Variants in USP43 observed in about 807,000 individuals in gnomAD.
USP43 encodes the protein ubiquitin specific peptidase 43, also known as ubiquitin carboxyl-terminal hydrolase 43.
Under a neutral mutation model 90.7 loss-of-function variants are expected in USP43, and 33 were observed. That is an observed-to-expected ratio of 0.36 (90% CI 0.28 to 0.49). The LOEUF (loss-of-function observed/expected upper bound fraction) is 0.49, where lower values mean the gene tolerates loss of function less well. USP43 is among the 20% of genes least tolerant of loss of function. USP43 has a pLI of 0.98. For missense variants in USP43, 1,274 were observed against 1,476.4 expected (o/e 0.86, Z 2.25); for synonymous variants, 598 against 615.8 (o/e 0.97, Z 0.43).
chr17:9,703,166 T>G (rs1915674643), intron 12 of USP43, among the ~76,000 whole-genome samples: 1 of 151,990 alleles, frequency 6.6e-6, no homozygotes, highest in African/African-American at 2.4e-5. Context: ...GGAGGCATCT[T>G]TGTTACTCAG....
In USP43 at chr17:9,728,040, G is replaced by A. The variant is rs2152005439; in HGVS notation, c.2422G>A (p.Gly808Arg). Residue 808 changes from glycine (G) to arginine (R), a missense_variant, in exon 15 of 15, where the codon GGA (glycine) becomes AGA (arginine). Physicochemically the swap from Gly to Arg is moderately radical, Grantham distance 125 (BLOSUM62 -2). Coordinates refer to ENST00000285199, the MANE Select transcript of USP43 (RefSeq NM_153210.5). The surrounding 1 kb of genome is among the most constrained non-coding windows in gnomAD (Gnocchi z 6.2). ...KAPTTSRAKQ[G>R]PFKTMPLRWS... Reference sequence around the variant, plus strand: ...ACCCACCACTTCCCGAGCCAAGCAGGGACCATTCAAGACCATGCCTCTGCG... The same window carrying A: ...ACCCACCACTTCCCGAGCCAAGCAGAGACCATTCAAGACCATGCCTCTGCG... 1 of 1,613,886 alleles carries A rather than the reference G, an allele frequency of 6.2e-7. No individual in the cohort carries two copies. Among genetic ancestry groups the A allele is most frequent in the South Asian group, 1.1e-5 (1 of 91,078 alleles).
chr17:9,722,624 C>G (rs928482620), intron 14 of USP43, among the ~76,000 whole-genome samples: 7 of 152,146 alleles, frequency 4.6e-5, no homozygotes, highest in Admixed American at 1.3e-4. Flanking sequence ...CTTTCTCTAT[C>G]CCAGTATTTA....
At chr17:9,648,173 A>G (rs1911588896) in intron 1 of USP43, among the ~76,000 whole-genome samples, 1 of 152,248 alleles carries the variant, frequency 6.6e-6, no homozygotes, top group Admixed American at 6.5e-5. Flanking sequence ...TCAAGTTTGT[A>G]ATATGTTAAT....
At chr17:9,660,244 G>A (rs148966396) in intron 2 of USP43, among the ~76,000 whole-genome samples, 69 of 152,198 alleles carry the variant, frequency 4.5e-4, no homozygotes, top group African/African-American at 1.5e-3. Context: ...TCCACCTCCC[G>A]GGTTCAAGAG....
intron 14 of USP43, among the ~76,000 whole-genome samples, chr17:9,724,564 C>T (rs113179816): frequency 6.6e-6 from 1 of 152,258 alleles, no homozygotes; most frequent in African/African-American, 2.4e-5. Context: ...CCTGTAATCC[C>T]AGCTACTGGG....
At chr17:9,661,616 C>T (rs867590068) in intron 2 of USP43, among the ~76,000 whole-genome samples, 6 of 152,130 alleles carry the variant, frequency 3.9e-5, no homozygotes, top group African/African-American at 1.4e-4. Context: ...CCTTGGCCTC[C>T]CAAAGTGCTG....
At chr17:9,698,056 G>A (rs1194191782) in intron 9 of USP43, among the ~76,000 whole-genome samples, 2 of 152,264 alleles carry the variant, frequency 1.3e-5, no homozygotes, top group East Asian at 3.9e-4. Context: ...GTATTTCACT[G>A]TGGCTTTAAT....
chr17:9,660,504 C>T (rs1268518663), intron 2 of USP43, among the ~76,000 whole-genome samples: 2 of 152,080 alleles, frequency 1.3e-5, no homozygotes, highest in Non-Finnish European at 2.9e-5. Context: ...AATTGGTTTT[C>T]CAATTTTGAA....
At chr17:9,711,674 G>A (rs1465123799) in intron 13 of USP43, among the ~76,000 whole-genome samples, 2 of 152,080 alleles carry the variant, frequency 1.3e-5, no homozygotes, top group African/African-American at 4.8e-5. Context: ...CAGGTGATCT[G>A]CTCGCCTCGG....
At chr17:9,725,786 C>T (rs1452781522) in intron 14 of USP43, among the ~76,000 whole-genome samples, 1 of 152,166 alleles carries the variant, frequency 6.6e-6, no homozygotes, top group Non-Finnish European at 1.5e-5. Flanking sequence ...CCTCTCGCCA[C>T]CTGCCGGGGC....
chr17:9,664,826 G>A (rs914129217), intron 2 of USP43, among the ~76,000 whole-genome samples: 3 of 151,962 alleles, frequency 2.0e-5, no homozygotes, highest in African/African-American at 7.3e-5. Flanking sequence ...TTTAGTAGAG[G>A]TGGGGTTTCA....
intron 8 of USP43, among the ~76,000 whole-genome samples, chr17:9,691,490 A>G (rs1375356375): frequency 6.6e-6 from 1 of 152,060 alleles, no homozygotes; most frequent in Non-Finnish European, 1.5e-5. Context: ...TTGTTGGTGG[A>G]CACTCAGGTT....
rs764976780 is a variant in USP43, at chr17:9,674,515, G to A, written c.741-376G>A. On this transcript the variant is annotated intron_variant, in intron 3 of 14. Coordinates refer to ENST00000285199, the MANE Select transcript of USP43 (RefSeq NM_153210.5). This position sits in a 1 kb window ranked among gnomAD's most constrained non-coding sequence, Gnocchi z 4.4. ...CTGGATACTTCATATAAACGGGATCGTACAATATGTGGGCTTTCATGTCTG... is the reference window on the plus strand; with the variant it reads ...CTGGATACTTCATATAAACGGGATCATACAATATGTGGGCTTTCATGTCTG... Among the ~76,000 whole-genome samples, 22 of 152,126 alleles carry A rather than the reference G, an allele frequency of 1.4e-4. No individual in the cohort carries two copies. Among genetic ancestry groups the A allele is most frequent in the Non-Finnish European group, 3.1e-4 (21 of 68,030 alleles).
At chr17:9,676,607 G>A (rs1182844389) in intron 4 of USP43, 139 bp from the exon 5 acceptor site, 2 of 1,061,464 alleles carry the variant, frequency 1.9e-6, no homozygotes, top group African/African-American at 3.2e-5. Context: ...CTTGACCGCA[G>A]GTGATCCACC....
chr17:9,710,211 G>A, intron 13 of USP43, 97 bp downstream of exon 13: 1 of 1,286,556 alleles, frequency 7.8e-7, no homozygotes, highest in Non-Finnish European at 9.9e-7. Flanking sequence ...GGAGAGGTTG[G>A]CAAGGATCTG....
chr17:9,690,650 C>T (rs182269826), intron 8 of USP43, among the ~76,000 whole-genome samples: 7 of 152,134 alleles, frequency 4.6e-5, no homozygotes, highest in East Asian at 1.9e-4. Flanking sequence ...TTTGGGAGGC[C>T]GAGGCAGGTG....
At chr17:9,691,859 G>T (rs773390500) in intron 8 of USP43, among the ~76,000 whole-genome samples, 12 of 151,806 alleles carry the variant, frequency 7.9e-5, no homozygotes, top group Non-Finnish European at 1.8e-4. Flanking sequence ...GGCTAACATG[G>T]TGAAACCCCG....
Position 9,686,988 on chromosome 17 carries a change from G to A in USP43, c.1353+79G>A. ...GTGTGTGTGGGTGTGTGTATTGGGA[G>A]GGGTGGAATTTAGTGTAGCCCAGGA... is the stretch of plus-strand genomic sequence containing the variant. On this transcript the variant is annotated intron_variant, in intron 8 of 14. Coordinates refer to ENST00000285199, the MANE Select transcript of USP43 (RefSeq NM_153210.5). The surrounding 1 kb of genome is among the most constrained non-coding windows in gnomAD (Gnocchi z 5.5). The A allele has an allele frequency of 7.4e-7, 1 of 1,343,900 alleles. No homozygotes were observed. Among genetic ancestry groups the A allele is most frequent in the Non-Finnish European group, 1.0e-6 (1 of 964,310 alleles). 83.2% of individuals were successfully genotyped at this position (1,343,900 alleles called of 1,614,324 possible). A position where few individuals can be genotyped will look rare whatever the true frequency, so the allele number is the denominator to read the frequency against.
intron 3 of USP43, among the ~76,000 whole-genome samples, chr17:9,672,746 G>A (rs1913521968): frequency 6.6e-6 from 1 of 152,186 alleles, no homozygotes; most frequent in East Asian, 1.9e-4. Context: ...GAAATGACCT[G>A]AGGCAGCATG....
Sources: gnomAD v4.1 joint callset for allele counts (sites outside exome capture counted in the v4.1 genomes callset) on GRCh38, gnomAD v4.1.1 for gene constraint, Gnocchi (gnomAD v3.1) non-coding constraint, MANE v1.5 for transcripts, NCBI Gene and HGNC (gene_info 2026-07-23, HGNC 2026-07-21) for gene names.